UGT1A8: variants seen among roughly 807,000 people sequenced by gnomAD.
UGT1A8 encodes UDP-glucuronosyltransferase 1A8.
Under a neutral mutation model 45.3 loss-of-function variants are expected in UGT1A8, and 39 were observed. The ratio of observed to expected loss-of-function variants is 0.86; its 90% CI spans 0.67 to 1.12. The LOEUF is 1.12. Ranked by LOEUF, UGT1A8 falls within the 50% of genes most tolerant of loss-of-function variation. UGT1A8 has a pLI of 0.00. For synonymous variants in UGT1A8, 275 were observed against 249.2 expected (o/e 1.10, Z -0.97); for missense variants, 719 against 664.9 (o/e 1.08, Z -0.90).
At chr2:233,747,788 C>A in intron 1 of UGT1A8, 1 of 1,613,516 alleles carries the variant, frequency 6.2e-7, no homozygotes. Context: ...ATCCTTCCTC[C>A]TATATTCCTA....
chr2:233,731,109 T>C (rs1417583719), intron 1 of UGT1A8, among the ~76,000 whole-genome samples: 2 of 152,194 alleles, frequency 1.3e-5, no homozygotes, highest in African/African-American at 2.4e-5. Flanking sequence ...TTTTTATAAA[T>C]GTAGGTATTA....
intron 1 of UGT1A8, chr2:233,692,779 C>A: frequency 7.6e-7 from 1 of 1,320,382 alleles, no homozygotes; most frequent in Non-Finnish European, 9.8e-7. Flanking sequence ...CACCCAGAAG[C>A]TCAGGTGAAA....
In UGT1A8 at chr2:233,617,735, A is replaced by G. The variant is rs1378265082; in HGVS notation, c.28A>G (p.Ile10Val). The G allele has an allele frequency of 7.4e-6, 12 of 1,613,828 alleles. No homozygotes were observed. The highest frequency in any genetic ancestry group is 5.3e-5 in the African/African-American group (4 of 75,018). MARTGWTSP[I>V]PLCVSLLLTC... ...GGCTCGCACAGGGTGGACCAGCCCC[A>G]TTCCCCTATGTGTTTCTCTGCTGCT... Residue 10 changes from isoleucine (I) to valine (V), a missense_variant, in exon 1 of 5, where the codon ATT (isoleucine) becomes GTT (valine). Transcript: ENST00000373450.
At chr2:233,670,596 G>T (rs2074163409) in intron 1 of UGT1A8, among the ~76,000 whole-genome samples, 1 of 152,190 alleles carries the variant, frequency 6.6e-6, no homozygotes, top group Non-Finnish European at 1.5e-5. Context: ...TGATTCAAAA[G>T]CACTCATCTC....
intron 1 of UGT1A8, among the ~76,000 whole-genome samples, chr2:233,643,381 T>G (rs1381408789): frequency 2.0e-5 from 3 of 152,044 alleles, no homozygotes; most frequent in African/African-American, 7.2e-5. Context: ...GGTGTTCCCT[T>G]AAGGCCCAAG....
intron 1 of UGT1A8, among the ~76,000 whole-genome samples, chr2:233,696,855 A>C (rs1199759556): frequency 6.6e-6 from 1 of 152,166 alleles, no homozygotes; most frequent in Admixed American, 6.5e-5. Flanking sequence ...ATTTTGTTGA[A>C]TGTTTTTTCA....
intron 1 of UGT1A8, among the ~76,000 whole-genome samples, chr2:233,684,262 C>T (rs147889560): frequency 1.5e-3 from 225 of 152,230 alleles, no homozygotes; most frequent in African/African-American, 4.3e-3. Context: ...CAGTTGTAGG[C>T]CTTTCAAATG....
intron 2 of UGT1A8, 73 bp from the exon 3 acceptor site, chr2:233,767,776 G>A: frequency 1.2e-6 from 2 of 1,612,490 alleles, no homozygotes; most frequent in Admixed American, 1.7e-5. Context: ...CTGTTTTCTA[G>A]TTAGTATAGC....
chr2:233,743,520 G>A (rs759007678), intron 1 of UGT1A8: 1 of 1,367,248 alleles, frequency 7.3e-7, no homozygotes, highest in Non-Finnish European at 9.8e-7. Flanking sequence ...CTCTGCTTCT[G>A]CTTCCCCAGC....
At chr2:233,647,498 G>A (rs886880951) in intron 1 of UGT1A8, among the ~76,000 whole-genome samples, 1 of 152,190 alleles carries the variant, frequency 6.6e-6, no homozygotes, top group Non-Finnish European at 1.5e-5. Flanking sequence ...ATTTATCAGT[G>A]AAGTCATCAG....
At chr2:233,710,274 A>G (rs1427903289) in intron 1 of UGT1A8, among the ~76,000 whole-genome samples, 1 of 152,210 alleles carries the variant, frequency 6.6e-6, no homozygotes, top group Non-Finnish European at 1.5e-5. Flanking sequence ...TTCTTGGGTA[A>G]ATACTTAAAA....
chr2:233,627,692 C>A (rs1271700338), intron 1 of UGT1A8, among the ~76,000 whole-genome samples: 3 of 145,644 alleles, frequency 2.1e-5, no homozygotes, highest in African/African-American at 7.6e-5. Flanking sequence ...TTCTTTCTTT[C>A]TTTTCCACTG....
At chr2:233,741,094 A>G (rs1452297102) in intron 1 of UGT1A8, among the ~76,000 whole-genome samples, 2 of 151,824 alleles carry the variant, frequency 1.3e-5, no homozygotes, top group Non-Finnish European at 2.9e-5. Flanking sequence ...CAAACAAGCA[A>G]ACAGACAATC....
At chr2:233,623,208 G>A (rs561634273) in intron 1 of UGT1A8, among the ~76,000 whole-genome samples, 46 of 152,184 alleles carry the variant, frequency 3.0e-4, no homozygotes, top group Non-Finnish European at 5.3e-4. Context: ...TGGCTATATG[G>A]GCTCTTTTTT....
chr2:233,740,602 C>T (rs1333865723), intron 1 of UGT1A8: 1 of 151,786 alleles, frequency 6.6e-6, no homozygotes, highest in Non-Finnish European at 1.5e-5. Context: ...TTACAGGTCT[C>T]CAGGTCTCTT....
intron 1 of UGT1A8, among the ~76,000 whole-genome samples, chr2:233,733,323 T>C (rs921178929): frequency 2.6e-5 from 4 of 152,220 alleles, no homozygotes; most frequent in African/African-American, 9.6e-5. Flanking sequence ...CTGATTGCCC[T>C]GGCCAGAACT....
In UGT1A8 at chr2:233,768,702, G is replaced by A. The variant is rs573948432; in HGVS notation, c.1295+263G>A. On this transcript the variant is annotated intron_variant, in intron 4 of 4. Coordinates refer to ENST00000373450, the MANE Select transcript of UGT1A8 (RefSeq NM_019076.5). Reference sequence around the variant, plus strand: ...CCCACGTTCAAGCAGTTCTGCCTCAGCCTCCGTGTAGCTGGGATTACAGGT... The same window carrying A: ...CCCACGTTCAAGCAGTTCTGCCTCAACCTCCGTGTAGCTGGGATTACAGGT... 1.1e-4 allele frequency among the ~76,000 whole-genome samples: 17 copies of A among 148,464 alleles called. No homozygotes were observed. In the East Asian group the frequency reaches 3.4e-3, roughly 30 times the overall value.
At chr2:233,692,850 T>A in intron 1 of UGT1A8, 1 of 1,458,738 alleles carries the variant, frequency 6.9e-7, no homozygotes, top group South Asian at 1.5e-5. Context: ...AATATTAATT[T>A]GGGTTCTTAC....
intron 1 of UGT1A8, among the ~76,000 whole-genome samples, chr2:233,688,641 G>T (rs941155352): frequency 6.6e-6 from 1 of 152,082 alleles, no homozygotes; most frequent in African/African-American, 2.4e-5. Context: ...GTTTTTGTTG[G>T]TGTTACAGAA....
Sources: allele counts gnomAD v4.1 joint callset (sites outside exome capture counted in the v4.1 genomes callset), GRCh38; gene constraint gnomAD v4.1.1; transcripts MANE v1.5; gene names NCBI Gene and HGNC (gene_info 2026-07-23, HGNC 2026-07-21).